Variants in PTER observed in about 807,000 individuals in gnomAD.
The protein encoded by PTER is N-acetyltaurine hydrolase.
PTER carries 38 observed loss-of-function variants against 29.6 expected under a neutral mutation model. The observed-to-expected ratio is 1.28, with a 90% CI of 0.99 to 1.68. The LOEUF (loss-of-function observed/expected upper bound fraction) is 1.68. PTER is among the 40% of genes most tolerant of loss of function. The pLI, the probability that PTER is intolerant of heterozygous loss-of-function variation, is 0.00. For synonymous variants in PTER, 172 were observed against 154.5 expected (o/e 1.11, Z -0.84); for missense variants, 482 against 427.8 (o/e 1.13, Z -1.12).
chr10:16,456,138 A>G (rs991049529), intron 1 of PTER, among the ~76,000 whole-genome samples: 1 of 152,192 alleles, frequency 6.6e-6, no homozygotes, highest in Non-Finnish European at 1.5e-5. Context: ...CAGAGAGTAC[A>G]TATTCTAAAT....
downstream of PTER, chr10:16,513,752 T>C (rs1836901215): frequency 6.6e-6 from 1 of 152,588 alleles, no homozygotes; most frequent in South Asian, 2.1e-4. Flanking sequence ...TGAATCTAAA[T>C]GTATTCAGTT....
chr10:16,476,838 C>T (rs758321283), intron 1 of PTER, among the ~76,000 whole-genome samples: 5 of 151,258 alleles, frequency 3.3e-5, no homozygotes, highest in Non-Finnish European at 7.4e-5. Flanking sequence ...CCTGGAATTA[C>T]AGGCTTGAGC....
intron 3 of PTER, among the ~76,000 whole-genome samples, chr10:16,501,175 C>T (rs1461896231): frequency 6.6e-6 from 1 of 151,898 alleles, no homozygotes; most frequent in Non-Finnish European, 1.5e-5. Flanking sequence ...AAATGATCCA[C>T]CTGCCTCAGC....
intron 1 of PTER, among the ~76,000 whole-genome samples, chr10:16,453,218 G>T (rs1834277908): frequency 6.6e-6 from 1 of 152,206 alleles, no homozygotes; most frequent in African/African-American, 2.4e-5. Flanking sequence ...ACCTGGCCAG[G>T]TTATTGATTT....
At chr10:16,499,702 G>C (rs11254030) in intron 3 of PTER, among the ~76,000 whole-genome samples, 81,142 of 151,818 alleles carry the variant, frequency 0.53, 22,282 homozygotes, top group East Asian at 0.83. Flanking sequence ...CCTCAGCCTC[G>C]CAAAGTGCTG....
chr10:16,487,308 A>G (rs940513734), intron 3 of PTER, among the ~76,000 whole-genome samples: 1 of 152,186 alleles, frequency 6.6e-6, no homozygotes, highest in African/African-American at 2.4e-5. Flanking sequence ...CAAAGGCTGC[A>G]GGGAGAATCT....
chr10:16,501,381 A>G (rs913956962), intron 3 of PTER, among the ~76,000 whole-genome samples: 13 of 151,184 alleles, frequency 8.6e-5, no homozygotes, highest in African/African-American at 3.2e-4. Context: ...GCACACACAC[A>G]CACACACACC....
chr10:16,459,616 T>G (rs1381751748), intron 1 of PTER, among the ~76,000 whole-genome samples: 3 of 152,238 alleles, frequency 2.0e-5, no homozygotes, highest in Non-Finnish European at 4.4e-5. Flanking sequence ...TCGTATGTAT[T>G]CCCTCCTAAT....
intron 3 of PTER, among the ~76,000 whole-genome samples, chr10:16,487,275 CTT>C (rs1491198521): frequency 2.6e-5 from 4 of 152,152 alleles, no homozygotes; most frequent in Non-Finnish European, 4.4e-5. Flanking sequence ...TGAAATGAAA[CTT>C]TGTCAGGGCC....
At chr10:16,462,252 C>G (rs1374103810) in intron 1 of PTER, among the ~76,000 whole-genome samples, 1 of 152,130 alleles carries the variant, frequency 6.6e-6, no homozygotes, top group Non-Finnish European at 1.5e-5. Flanking sequence ...TCCCAAAGTG[C>G]TGGGATTACA....
chr10:16,487,097 C>T (rs1835731473), intron 3 of PTER, among the ~76,000 whole-genome samples: 1 of 152,136 alleles, frequency 6.6e-6, no homozygotes, highest in Non-Finnish European at 1.5e-5. Context: ...TGGTTTGAAT[C>T]ATCTGAATTT....
At chr10:16,457,553 G>A (rs988190140) in intron 1 of PTER, among the ~76,000 whole-genome samples, 1 of 151,812 alleles carries the variant, frequency 6.6e-6, no homozygotes, top group Non-Finnish European at 1.5e-5. Context: ...TAGGAAAGCC[G>A]TGTTTAGTTA....
At chr10:16,508,790 A>G (rs1393172038) in intron 4 of PTER, among the ~76,000 whole-genome samples, 1 of 152,180 alleles carries the variant, frequency 6.6e-6, no homozygotes. Flanking sequence ...ACCCAAGGAC[A>G]GCCCATGTTA....
intron 1 of PTER, among the ~76,000 whole-genome samples, chr10:16,444,452 A>G (rs1183061007): frequency 6.7e-6 from 1 of 149,186 alleles, no homozygotes; most frequent in Non-Finnish European, 1.5e-5. Flanking sequence ...TTTTTTTTGG[A>G]CAGAGGACCT....
downstream of PTER, among the ~76,000 whole-genome samples, chr10:16,517,534 A>G (rs902645830): frequency 2.0e-5 from 3 of 152,196 alleles, no homozygotes; most frequent in African/African-American, 7.2e-5. Flanking sequence ...TTTCTGCTAA[A>G]AGGATTATCA....
chr10:16,449,316 A>G (rs1190620721), intron 1 of PTER, among the ~76,000 whole-genome samples: 1 of 151,940 alleles, frequency 6.6e-6, no homozygotes, highest in Non-Finnish European at 1.5e-5. Flanking sequence ...GGAAATTACC[A>G]CATGGTGAGT....
chr10:16,511,153 T>A lies in PTER; in HGVS notation c.947T>A (p.Ile316Lys). ...MKYGGHGYSH[I>K]LTNVVPKMLL... ...TATGGAGGTCACGGCTATTCTCATA[T>A]ACTCACCAATGTTGTTCCTAAAATG... The change falls in exon 5 of 5, where the codon ATA becomes AAA. Residue 316 changes from isoleucine to lysine, a missense_variant. By Grantham distance (102) the Ile-to-Lys change is moderately radical. Coordinates refer to ENST00000535784, the MANE Select transcript of PTER (RefSeq NM_001261836.2). 3 of 1,614,170 alleles carry A rather than the reference T, an allele frequency of 1.9e-6. No homozygotes were observed. The highest frequency in any genetic ancestry group is 2.5e-6 in the Non-Finnish European group (3 of 1,180,002).
chr10:16,479,621 A>G (rs1430354031), intron 1 of PTER, among the ~76,000 whole-genome samples: 1 of 152,216 alleles, frequency 6.6e-6, no homozygotes, highest in Non-Finnish European at 1.5e-5. Flanking sequence ...TATTTGGGCC[A>G]GACAGCACTT....
intron 3 of PTER, among the ~76,000 whole-genome samples, chr10:16,488,603 G>GGAGAGAGAGA (rs35122897): frequency 9.7e-5 from 13 of 133,964 alleles, no homozygotes; most frequent in Non-Finnish European, 1.7e-4. Flanking sequence ...ATATATATAT[G>GGAGAGAGAGA]GAGAGAGAGA....
Sources: gnomAD v4.1 joint callset for allele counts (sites outside exome capture counted in the v4.1 genomes callset) on GRCh38, gnomAD v4.1.1 for gene constraint, MANE v1.5 for transcripts, NCBI Gene and HGNC (gene_info 2026-07-23, HGNC 2026-07-21) for gene names.